PARPBP: variants seen among roughly 807,000 people sequenced by gnomAD.
The protein encoded by PARPBP is PCNA-interacting partner.
A neutral mutation model predicts 50.0 loss-of-function variants in PARPBP; 52 were observed. That is an observed-to-expected ratio of 1.04 (90% CI 0.83 to 1.31). The LOEUF (loss-of-function observed/expected upper bound fraction) is 1.31, where lower values mean the gene tolerates loss of function less well. PARPBP is among the 50% of genes most tolerant of loss of function. PARPBP has a pLI of 0.00. For synonymous variants in PARPBP, 244 were observed against 232.1 expected (o/e 1.05, Z -0.47); for missense variants, 697 against 672.0 (o/e 1.04, Z -0.41).
Position 102,191,221 on chromosome 12 carries a change from A to G in PARPBP, c.1264-4091A>G, listed in dbSNP as rs187905172. Reference sequence around the variant, plus strand: ...GGTGTCAGACTTCAATGTTTATGCTATCTTCAAAGATTAAATAAAGGCATG... The same window carrying G: ...GGTGTCAGACTTCAATGTTTATGCTGTCTTCAAAGATTAAATAAAGGCATG... On this transcript the variant is annotated intron_variant, in intron 9 of 10. Transcript: ENST00000327680. Among the ~76,000 whole-genome samples the G allele has an allele frequency of 2.5e-3, 387 of 152,286 alleles. 3 individuals carry two copies. Among genetic ancestry groups the G allele is most frequent in the African/African-American group, 9.0e-3 (373 of 41,582 alleles).
intron 4 of PARPBP, among the ~76,000 whole-genome samples, chr12:102,163,189 A>G (rs575609225): frequency 6.6e-6 from 1 of 152,326 alleles, no homozygotes; most frequent in Non-Finnish European, 1.5e-5. Context: ...TCTGCACGCT[A>G]TTCTGTTCCA....
chr12:102,166,301 G>A (rs1265332579), intron 6 of PARPBP, among the ~76,000 whole-genome samples: 2 of 151,990 alleles, frequency 1.3e-5, no homozygotes, highest in Non-Finnish European at 2.9e-5. Context: ...ATTTTCTTAT[G>A]TGCAAATCTT....
intron 9 of PARPBP, among the ~76,000 whole-genome samples, chr12:102,185,924 G>T (rs568577963): frequency 6.6e-6 from 1 of 152,286 alleles, no homozygotes; most frequent in African/African-American, 2.4e-5. Context: ...AAAGTGCTGG[G>T]ATTACAGGCA....
intron 2 of PARPBP, among the ~76,000 whole-genome samples, chr12:102,129,909 A>T (rs561761903): frequency 6.6e-6 from 1 of 152,338 alleles, no homozygotes; most frequent in South Asian, 2.1e-4. Flanking sequence ...ATTCCTATGG[A>T]ACCCAAAAAG....
chr12:102,126,212 CT>C (rs994946915), intron 2 of PARPBP, among the ~76,000 whole-genome samples: 3 of 152,014 alleles, frequency 2.0e-5, no homozygotes, highest in Non-Finnish European at 4.4e-5. Flanking sequence ...TCTCCTTTGT[CT>C]TTCAAAATTT....
At position 102,149,393 on chromosome 12, in the gene PARPBP, A is replaced by G. The variant is rs149479309; in HGVS notation, c.387+930A>G. On this transcript the variant is annotated intron_variant, in intron 3 of 10. Coordinates refer to ENST00000327680, the MANE Select transcript of PARPBP (RefSeq NM_017915.5). ...GTTATCAGAGACCTGGACTTTTTCTATCATTCTGCTCGCCCATTTTAGTCC... is the reference window on the plus strand; with the variant it reads ...GTTATCAGAGACCTGGACTTTTTCTGTCATTCTGCTCGCCCATTTTAGTCC... Among the ~76,000 whole-genome samples the G allele has an allele frequency of 6.2e-4, 95 of 152,300 alleles. 1 individual carries two copies. The highest frequency in any genetic ancestry group is 2.2e-3 in the African/African-American group (91 of 41,570).
chr12:102,129,088 G>A (rs1882454570), intron 2 of PARPBP, among the ~76,000 whole-genome samples: 1 of 151,968 alleles, frequency 6.6e-6, no homozygotes, highest in Admixed American at 6.6e-5. Flanking sequence ...GGCAATTTGT[G>A]TGTCTTCTTT....
At chr12:102,195,569 A>T (rs1380061648) in intron 10 of PARPBP, 122 bp downstream of exon 10, 1 of 709,450 alleles carries the variant, frequency 1.4e-6, no homozygotes, top group African/African-American at 1.9e-5. Context: ...TAATATTTTT[A>T]AAGACCTCAG....
Position 102,123,926 on chromosome 12 carries a change from T to C in PARPBP, c.38T>C (p.Ile13Thr), listed in dbSNP as rs1881546034. 6.5e-7 allele frequency: 1 copy of C among 1,535,300 alleles called. No individual in the cohort carries two copies. The highest frequency in any genetic ancestry group is 1.4e-5 in the African/African-American group (1 of 73,034). Residue 13 changes from isoleucine to threonine, a missense_variant, in exon 2 of 11, where the codon ATT (isoleucine) becomes ACT (threonine). Ile to Thr is a moderately conservative substitution (Grantham distance 89). Coordinates refer to ENST00000327680, the MANE Select transcript of PARPBP (RefSeq NM_017915.5). ...AATCAGAAGTCTGTCTCGGATATGA[T>C]TAAAGAGTTTCGAAAAAATTGGCGT... ...VFNQKSVSDM[I>T]KEFRKNWRAL...
intron 3 of PARPBP, 121 bp from the exon 4 acceptor site, chr12:102,153,748 G>A (rs905534653): frequency 7.8e-5 from 47 of 603,046 alleles, no homozygotes; most frequent in Non-Finnish European, 1.3e-4. Context: ...CTTAATGATT[G>A]CTAACAACTG....
intron 6 of PARPBP, among the ~76,000 whole-genome samples, chr12:102,169,058 T>G (rs960614829): frequency 4.6e-5 from 7 of 152,168 alleles, no homozygotes; most frequent in Admixed American, 1.3e-4. Flanking sequence ...AGCACAATTT[T>G]TGCCAGAATA....
intron 6 of PARPBP, among the ~76,000 whole-genome samples, chr12:102,174,268 TG>T (rs1426437925): frequency 6.6e-6 from 1 of 152,058 alleles, no homozygotes; most frequent in Non-Finnish European, 1.5e-5. Context: ...GATCTGGAGT[TG>T]ATGTTTTAAA....
chr12:102,180,633 C>G (rs1049008283), intron 8 of PARPBP, among the ~76,000 whole-genome samples: 1 of 152,176 alleles, frequency 6.6e-6, no homozygotes, highest in African/African-American at 2.4e-5. Flanking sequence ...GTCCCAGCTA[C>G]TTGGGAGCCC....
chr12:102,161,111 G>A (rs1458060406), intron 4 of PARPBP, among the ~76,000 whole-genome samples: 1 of 151,040 alleles, frequency 6.6e-6, no homozygotes, highest in Non-Finnish European at 1.5e-5. Context: ...TCCCAGGTAA[G>A]TTTTTTTTTC....
intron 3 of PARPBP, chr12:102,148,695 T>A (rs993096292): frequency 9.0e-6 from 3 of 335,190 alleles, no homozygotes; most frequent in African/African-American, 6.3e-5. Context: ...GGATAGCTTC[T>A]TATTAGATCA....
chr12:102,125,036 A>G (rs1160030045), intron 2 of PARPBP, among the ~76,000 whole-genome samples: 1 of 152,242 alleles, frequency 6.6e-6, no homozygotes, highest in Non-Finnish European at 1.5e-5. Flanking sequence ...CTACCTGTGA[A>G]TAGTTGGCAG....
intron 9 of PARPBP, among the ~76,000 whole-genome samples, chr12:102,187,764 G>A (rs1412893467): frequency 6.6e-6 from 1 of 152,156 alleles, no homozygotes; most frequent in Non-Finnish European, 1.5e-5. Flanking sequence ...ACAGAATCAA[G>A]TTGTGATGTG....
At chr12:102,194,162 A>T (rs1278214461) in intron 9 of PARPBP, among the ~76,000 whole-genome samples, 2 of 152,014 alleles carry the variant, frequency 1.3e-5, no homozygotes, top group Non-Finnish European at 2.9e-5. Context: ...CTTTACAAAC[A>T]TCTGAGTGAA....
intron 3 of PARPBP, among the ~76,000 whole-genome samples, chr12:102,153,321 C>T (rs1292163714): frequency 2.0e-5 from 3 of 152,194 alleles, no homozygotes; most frequent in Non-Finnish European, 4.4e-5. Flanking sequence ...CTACCTGTCT[C>T]CCACGTGGCA....
Sources: gnomAD v4.1 joint callset for allele counts (sites outside exome capture counted in the v4.1 genomes callset) on GRCh38, gnomAD v4.1.1 for gene constraint, MANE v1.5 for transcripts, NCBI Gene and HGNC (gene_info 2026-07-23, HGNC 2026-07-21) for gene names.